Variants in GNAQ observed in about 807,000 individuals in gnomAD.
GNAQ encodes G protein subunit alpha q.
Under a neutral mutation model 43.9 loss-of-function variants are expected in GNAQ, and 8 were observed. That is an observed-to-expected ratio of 0.18 (90% CI 0.11 to 0.33). The LOEUF (loss-of-function observed/expected upper bound fraction) is 0.33, where lower values mean the gene tolerates loss of function less well. Among genes scored for constraint, GNAQ ranks in the 10% least tolerant of loss-of-function variants. The pLI, the probability that GNAQ is intolerant of heterozygous loss-of-function variation, is 1.00. For synonymous variants in GNAQ, 155 were observed against 170.7 expected (o/e 0.91, Z 0.71); for missense variants, 158 against 450.8 (o/e 0.35, Z 5.88).
At chr9:77,975,156 C>T (rs1420962944) in intron 1 of GNAQ, among the ~76,000 whole-genome samples, 1 of 152,202 alleles carries the variant, frequency 6.6e-6, no homozygotes, top group Non-Finnish European at 1.5e-5. Flanking sequence ...TAACTCAACA[C>T]TTTTTTGGTG....
At chr9:77,942,951 G>C (rs751241086) in intron 1 of GNAQ, among the ~76,000 whole-genome samples, 27 of 152,164 alleles carry the variant, frequency 1.8e-4, no homozygotes, top group Non-Finnish European at 3.5e-4. Flanking sequence ...TTAACCAACT[G>C]GTTATTTGAC....
intron 1 of GNAQ, among the ~76,000 whole-genome samples, chr9:77,957,798 C>G (rs528437627): frequency 6.6e-6 from 1 of 152,256 alleles, no homozygotes; most frequent in African/African-American, 2.4e-5. Context: ...AGTGCAGAGG[C>G]AAGTCTAGTC....
Position 77,964,065 on chromosome 9 carries a change from T to C in GNAQ, c.137-41720A>G, listed in dbSNP as rs541626882. Among the ~76,000 whole-genome samples, 6 of 152,280 alleles carry C rather than the reference T, an allele frequency of 3.9e-5. No homozygotes were observed. The South Asian group carries it at 1.2e-3, about 32-fold the overall frequency. ...ACGTGATGGGGCTTATGTTGGGAAA[T>C]GAAGTTAATACTTTTTATCTTTTAA... is the stretch of plus-strand genomic sequence containing the variant. On this transcript the variant is annotated intron_variant, in intron 1 of 6. Coordinates refer to ENST00000286548, the MANE Select transcript of GNAQ (RefSeq NM_002072.5).
intron 2 of GNAQ, among the ~76,000 whole-genome samples, chr9:77,840,392 A>G (rs1278846157): frequency 6.7e-6 from 1 of 150,234 alleles, no homozygotes; most frequent in Non-Finnish European, 1.5e-5. Flanking sequence ...GTCGGAGTAC[A>G]GTGGCATAAT....
At chr9:77,861,833 C>T (rs1286398109) in intron 2 of GNAQ, among the ~76,000 whole-genome samples, 2 of 152,060 alleles carry the variant, frequency 1.3e-5, no homozygotes, top group Admixed American at 1.3e-4. Context: ...AACCCCATCT[C>T]TACTAAAAAT....
intron 2 of GNAQ, among the ~76,000 whole-genome samples, chr9:77,919,328 C>T (rs564913568): frequency 3.2e-4 from 48 of 152,272 alleles, no homozygotes; most frequent in African/African-American, 1.0e-3. Context: ...CTGATGAAGA[C>T]TGACTTTCAA....
intron 5 of GNAQ, among the ~76,000 whole-genome samples, chr9:77,736,551 T>A (rs1170433567): frequency 6.6e-6 from 1 of 152,194 alleles, no homozygotes; most frequent in African/African-American, 2.4e-5. Context: ...CTGCATAGGA[T>A]GTTTAGAGAA....
chr9:77,754,765 C>G (rs1171332505), intron 5 of GNAQ, among the ~76,000 whole-genome samples: 1 of 152,092 alleles, frequency 6.6e-6, no homozygotes, highest in African/African-American at 2.4e-5. Context: ...AACCCTCATG[C>G]GTTATTGGTA....
intron 5 of GNAQ, among the ~76,000 whole-genome samples, chr9:77,768,966 T>C (rs1826176776): frequency 6.6e-6 from 1 of 152,190 alleles, no homozygotes; most frequent in African/African-American, 2.4e-5. Flanking sequence ...GCACTGAGAA[T>C]TCCTTAATTC....
intron 1 of GNAQ, among the ~76,000 whole-genome samples, chr9:77,960,932 A>G (rs1305086509): frequency 1.3e-5 from 2 of 152,212 alleles, no homozygotes; most frequent in Non-Finnish European, 2.9e-5. Context: ...CATTTCATAA[A>G]TGATATATGA....
intron 1 of GNAQ, among the ~76,000 whole-genome samples, chr9:77,987,523 T>C (rs1368647567): frequency 3.9e-5 from 6 of 152,170 alleles, no homozygotes; most frequent in Admixed American, 3.9e-4. Flanking sequence ...TAACACTATG[T>C]CCTTGTGAAT....
chr9:77,867,742 T>C (rs1397577624), intron 2 of GNAQ, among the ~76,000 whole-genome samples: 2 of 152,196 alleles, frequency 1.3e-5, no homozygotes, highest in African/African-American at 2.4e-5. Flanking sequence ...AGACTCTCAA[T>C]TGCAGTCCTT....
At chr9:77,972,519 C>A in intron 1 of GNAQ, among the ~76,000 whole-genome samples, 1 of 152,042 alleles carries the variant, frequency 6.6e-6, no homozygotes, top group Non-Finnish European at 1.5e-5. Flanking sequence ...AAAAACCCAA[C>A]AGCTTTTCCA....
At position 77,922,215 on chromosome 9, in the gene GNAQ, G is replaced by T; in HGVS notation, c.267C>A (p.Ala89=). 6.2e-7 allele frequency: 1 copy of T among 1,613,676 alleles called. No homozygotes were observed. ...TGAGTGTGTCCATGGCTCTGATCAT[G>T]GCCTGCATGGCCGTGAAGATGTTCT... ...VYQNIFTAMQ[A]MIRAMDTLKI... is the part of the protein sequence containing the mutation. The change falls in exon 2 of 7, where the codon GCC becomes GCA. Residue 89 remains alanine, a synonymous_variant. Coordinates refer to ENST00000286548, the MANE Select transcript of GNAQ (RefSeq NM_002072.5).
At chr9:77,884,575 G>C (rs1828271302) in intron 2 of GNAQ, among the ~76,000 whole-genome samples, 2 of 152,206 alleles carry the variant, frequency 1.3e-5, no homozygotes, top group Admixed American at 6.5e-5. Flanking sequence ...GAGATGCCTG[G>C]AGAATAAGTT....
chr9:77,899,392 C>T (rs1329734597), intron 2 of GNAQ, among the ~76,000 whole-genome samples: 1 of 151,922 alleles, frequency 6.6e-6, no homozygotes, highest in Non-Finnish European at 1.5e-5. Context: ...CTACTGTGTC[C>T]GGTCTCATTC....
At chr9:78,011,315 C>T (rs536133874) in intron 1 of GNAQ, among the ~76,000 whole-genome samples, 6 of 152,184 alleles carry the variant, frequency 3.9e-5, no homozygotes, top group Admixed American at 2.0e-4. Flanking sequence ...AGACCCAAGA[C>T]AAATAGGGAA....
chr9:77,726,998 G>C (rs1234354608), intron 6 of GNAQ, among the ~76,000 whole-genome samples: 1 of 152,126 alleles, frequency 6.6e-6, no homozygotes. Flanking sequence ...ATAATGAATG[G>C]GTGTGGCTAT....
intron 5 of GNAQ, among the ~76,000 whole-genome samples, chr9:77,775,993 G>A (rs950613498): frequency 1.3e-5 from 2 of 152,068 alleles, no homozygotes; most frequent in African/African-American, 4.8e-5. Context: ...ATGGAATGGT[G>A]GAATAAGGAC....
Sources: gnomAD v4.1 joint callset for allele counts (sites outside exome capture counted in the v4.1 genomes callset) on GRCh38, gnomAD v4.1.1 for gene constraint, MANE v1.5 for transcripts, NCBI Gene and HGNC (gene_info 2026-07-23, HGNC 2026-07-21) for gene names.